The following PDE4D variants were observed in gnomAD, a reference collection of about 807,000 sequenced individuals.
PDE4D encodes the protein phosphodiesterase 4D.
PDE4D carries 24 observed loss-of-function variants against 87.4 expected under a neutral mutation model. The ratio of observed to expected loss-of-function variants is 0.27; its 90% confidence interval spans 0.20 to 0.39. The LOEUF is 0.39. Among genes scored for constraint, PDE4D ranks in the 10% least tolerant of loss-of-function variants. The probability of loss-of-function intolerance (pLI) is 1.00; values close to 1 mark genes in which losing one functional copy is unlikely to be tolerated. For synonymous variants in PDE4D, 384 were observed against 383.2 expected, an observed-to-expected ratio of 1.00 and a Z score of -0.02; for missense variants, 714 against 1,041.0, an observed-to-expected ratio of 0.69 and a Z score of 4.32.
At chr5:59,403,122 G>A (rs1010844405) in intron 1 of PDE4D, among the ~76,000 whole-genome samples, 1 of 114,876 alleles carries the variant, frequency 8.7e-6, no homozygotes, top group African/African-American at 3.9e-5. Flanking sequence ...ATTTCTGTTG[G>A]TACATAATAG....
At chr5:59,091,839 A>C (rs1215986319) in intron 5 of PDE4D, among the ~76,000 whole-genome samples, 1 of 152,176 alleles carries the variant, frequency 6.6e-6, no homozygotes, top group African/African-American at 2.4e-5. Flanking sequence ...TAATTTTACA[A>C]AGCCTAAAAG....
chr5:59,308,743 G>A (rs1364428893), intron 1 of PDE4D, among the ~76,000 whole-genome samples: 1 of 152,048 alleles, frequency 6.6e-6, no homozygotes, highest in African/African-American at 2.4e-5. Flanking sequence ...CTGGTCTCCT[G>A]CCAGGAGGTG....
intron 5 of PDE4D, among the ~76,000 whole-genome samples, chr5:59,152,263 AAGAG>A (rs1779580318): frequency 6.6e-6 from 1 of 152,348 alleles, no homozygotes; most frequent in East Asian, 1.9e-4. Context: ...TTGAGGTTAA[AAGAG>A]AGAAACAAAG....
At chr5:59,848,089 T>G (rs73761009) in intron 1 of PDE4D, among the ~76,000 whole-genome samples, 1 of 152,030 alleles carries the variant, frequency 6.6e-6, no homozygotes, top group Admixed American at 6.6e-5. Context: ...TGAACATGTT[T>G]TTGACGATAA....
chr5:59,622,636 A>G lies in PDE4D; in HGVS notation c.455+270532T>C, dbSNP rs182860082. The stretch of plus-strand genomic sequence containing the variant: ...TTTTTCTCCGACATTTGTCTCTTCC[A>G]TGCCCAATCTTAAGGAAGACCTACT... On this transcript the variant is annotated intron_variant, in intron 1 of 14. Transcript: ENST00000340635. 3.9e-5 allele frequency among the ~76,000 whole-genome samples: 6 copies of G among 152,272 alleles called. No homozygotes were observed. In the East Asian group the frequency reaches 7.7e-4, roughly 20 times the overall value.
At chr5:59,919,470 G>T (rs908680888) in intron 3 of PDE4D, among the ~76,000 whole-genome samples, 5 of 152,088 alleles carry the variant, frequency 3.3e-5, no homozygotes, top group Admixed American at 2.6e-4. Flanking sequence ...CAAAAAGTGG[G>T]ATTAACTGTA....
At chr5:59,697,137 T>C (rs1355863787) in intron 1 of PDE4D, among the ~76,000 whole-genome samples, 1 of 152,146 alleles carries the variant, frequency 6.6e-6, no homozygotes. Flanking sequence ...GGGGTGAATC[T>C]AAATTAAAGG....
chr5:59,655,772 C>T (rs187167697), intron 1 of PDE4D, among the ~76,000 whole-genome samples: 284 of 152,224 alleles, frequency 1.9e-3, no homozygotes, highest in Non-Finnish European at 3.6e-3. Flanking sequence ...GACACCCCCA[C>T]CTTAGAGCAT....
At chr5:60,114,569 T>G (rs1399259835) in intron 2 of PDE4D, among the ~76,000 whole-genome samples, 1 of 152,066 alleles carries the variant, frequency 6.6e-6, no homozygotes, top group Non-Finnish European at 1.5e-5. Flanking sequence ...ACATAATTAC[T>G]GAATCTGGTT....
At chr5:59,793,219 G>A (rs576644511) in intron 1 of PDE4D, among the ~76,000 whole-genome samples, 18 of 152,280 alleles carry the variant, frequency 1.2e-4, no homozygotes, top group East Asian at 7.7e-4. Flanking sequence ...GATGTCCAGC[G>A]TCCAGCTGTG....
In PDE4D at chr5:60,105,171, G is replaced by C. The variant is rs921003267; in HGVS notation, c.42+80386C>G. Among the ~76,000 whole-genome samples the C allele has an allele frequency of 5.9e-5, 9 of 152,204 alleles. No homozygotes were observed. The South Asian group carries it at 6.2e-4, about 10-fold the overall frequency. ...CCAATACAGAGAAGTCCTTAAAGGA[G>C]CTGATGGAGCTGAAAGCCAAGGCTT... On this transcript the variant is annotated intron_variant, in intron 2 of 16. Coordinates refer to the PDE4D transcript ENST00000502484.
At chr5:60,079,101 T>C (rs1773639984) in intron 2 of PDE4D, among the ~76,000 whole-genome samples, 1 of 152,224 alleles carries the variant, frequency 6.6e-6, no homozygotes, top group African/African-American at 2.4e-5. Flanking sequence ...AGATGGTATC[T>C]CATAGTGGTT....
chr5:59,017,293 A>C (rs1754212672), intron 6 of PDE4D, among the ~76,000 whole-genome samples: 1 of 152,190 alleles, frequency 6.6e-6, no homozygotes, highest in African/African-American at 2.4e-5. Context: ...CTTGAGGCAA[A>C]ACTGACAAGA....
At chr5:59,325,160 C>T (rs1350579354) in intron 1 of PDE4D, among the ~76,000 whole-genome samples, 2 of 152,154 alleles carry the variant, frequency 1.3e-5, no homozygotes, top group Non-Finnish European at 2.9e-5. Context: ...TCAGTTTCTG[C>T]TGTGCTCTGC....
At chr5:59,973,660 T>C (rs1761017453) in intron 3 of PDE4D, among the ~76,000 whole-genome samples, 1 of 152,186 alleles carries the variant, frequency 6.6e-6, no homozygotes, top group South Asian at 2.1e-4. Context: ...TTGTTGCAGA[T>C]AATCCTCTGA....
At chr5:58,981,166 G>A (rs554902284) in intron 11 of PDE4D, among the ~76,000 whole-genome samples, 1 of 152,236 alleles carries the variant, frequency 6.6e-6, no homozygotes, top group African/African-American at 2.4e-5. Context: ...TGTTTTACCA[G>A]CTATCTGGGC....
intron 1 of PDE4D, among the ~76,000 whole-genome samples, chr5:59,610,929 G>A (rs1254153162): frequency 6.6e-6 from 1 of 152,128 alleles, no homozygotes; most frequent in African/African-American, 2.4e-5. Context: ...GGGGCTAGGG[G>A]TACAAGGTCT....
intron 2 of PDE4D, among the ~76,000 whole-genome samples, chr5:60,172,081 T>C (rs1783488041): frequency 6.8e-6 from 1 of 147,818 alleles, no homozygotes; most frequent in South Asian, 2.1e-4. Flanking sequence ...CATAGAATAG[T>C]TTTGAGAACT....
rs554085343 is a variant in PDE4D, at chr5:59,039,201, G to A, written c.809-230C>T. 3.8e-6 allele frequency: 5 copies of A among 1,304,754 alleles called. No individual in the cohort carries two copies. The African/African-American group carries it at 7.7e-5, about 20-fold the overall frequency. 80.8% of individuals were successfully genotyped at this position (1,304,754 alleles called of 1,614,324 possible). A position where few individuals can be genotyped will look rare whatever the true frequency, so the allele number is the denominator to read the frequency against. ...CGGTCTCTCCAGCTTGGCGTCTCGGGTCGGCCTCCAGGGAGGGCGTGCAAA... is the reference window on the plus strand; with the variant it reads ...CGGTCTCTCCAGCTTGGCGTCTCGGATCGGCCTCCAGGGAGGGCGTGCAAA... On this transcript the variant is annotated intron_variant, in intron 5 of 14. Transcript: ENST00000340635.
Sources: gnomAD v4.1 joint callset for allele counts (sites outside exome capture counted in the v4.1 genomes callset) on GRCh38, gnomAD v4.1.1 for gene constraint, MANE v1.5 for transcripts, NCBI Gene and HGNC (gene_info 2026-07-23, HGNC 2026-07-21) for gene names.